The following CFAP92 variants were observed in gnomAD, a reference collection of about 807,000 sequenced individuals.
CFAP92 encodes the protein uncharacterized protein CFAP92.
A neutral mutation model predicts 106.3 loss-of-function variants in CFAP92; 86 were observed. The ratio of observed to expected loss-of-function variants is 0.81; its 90% CI spans 0.68 to 0.97. CFAP92 has a LOEUF of 0.97. CFAP92 is among the 50% of genes least tolerant of loss of function. The probability of loss-of-function intolerance (pLI) is 0.00; values close to 1 mark genes in which losing one functional copy is unlikely to be tolerated. For synonymous variants in CFAP92, 477 were observed against 506.4 expected (o/e 0.94, Z 0.78); for missense variants, 1,204 against 1,283.8 (o/e 0.94, Z 0.95).
At chr3:128,961,849 G>T (rs190067969) in intron 9 of CFAP92, among the ~76,000 whole-genome samples, 68 of 152,116 alleles carry the variant, frequency 4.5e-4, no homozygotes, top group African/African-American at 1.6e-3. Context: ...ACAATAATAG[G>T]AAAAAGTTGC....
At chr3:128,927,319 G>A (rs199647069) in intron 12 of CFAP92, among the ~76,000 whole-genome samples, 2 of 91,772 alleles carry the variant, frequency 2.2e-5, no homozygotes, top group Non-Finnish European at 3.7e-5. Flanking sequence ...CCAGGCAGAA[G>A]GAAAGGAAGG....
At chr3:128,917,135 C>A (rs575988887) in intron 12 of CFAP92, among the ~76,000 whole-genome samples, 1 of 152,294 alleles carries the variant, frequency 6.6e-6, no homozygotes, top group African/African-American at 2.4e-5. Flanking sequence ...AGTCTAGGTC[C>A]TCAGACTTTG....
chr3:129,013,739 C>T, the CFAP92 span, among the ~76,000 whole-genome samples: 102 of 152,354 alleles, frequency 6.7e-4, no homozygotes, highest in Non-Finnish European at 1.2e-3. Flanking sequence ...ATTAGCTAGA[C>T]CTGGCTAAAA....
the CFAP92 span, among the ~76,000 whole-genome samples, chr3:129,014,513 C>T: frequency 1.3e-5 from 2 of 152,206 alleles, no homozygotes; most frequent in Admixed American, 6.5e-5. This position sits in a 1 kb window ranked among gnomAD's most constrained non-coding sequence, Gnocchi z 4.3. Context: ...AGAAGGACAC[C>T]AGTCAGACTG....
intron 10 of CFAP92, 139 bp downstream of exon 10, chr3:128,944,932 G>C (rs1940055486): frequency 1.3e-6 from 1 of 752,114 alleles, no homozygotes; most frequent in Non-Finnish European, 2.1e-6. Flanking sequence ...CTAAACCCTG[G>C]TAAGTACCTC....
At chr3:129,023,845 C>T in the CFAP92 span, among the ~76,000 whole-genome samples, 18 of 152,224 alleles carry the variant, frequency 1.2e-4, no homozygotes, top group Admixed American at 1.1e-3. Flanking sequence ...CCCCATTCCA[C>T]AGGACAAAGC....
intron 6 of CFAP92, among the ~76,000 whole-genome samples, chr3:128,976,253 T>C (rs113772691): frequency 6.6e-6 from 1 of 151,906 alleles, no homozygotes; most frequent in Admixed American, 6.6e-5. Flanking sequence ...CTATAAAACA[T>C]CTAAGAATTC....
intron 8 of CFAP92, chr3:128,970,487 A>G (rs1404608690): frequency 6.6e-6 from 1 of 152,082 alleles, no homozygotes; most frequent in Non-Finnish European, 1.5e-5. Flanking sequence ...AAAAACGAAC[A>G]AAGTCTGAAT....
At chr3:129,020,379 G>A in the CFAP92 span, among the ~76,000 whole-genome samples, 15 of 152,278 alleles carry the variant, frequency 9.9e-5, no homozygotes, top group African/African-American at 3.1e-4. Flanking sequence ...GCCCACACCT[G>A]TAATCCCAGC....
rs760678257 is a variant in CFAP92 at position 128,912,615 on chromosome 3, G to A, written c.3281-2282C>T. 18 of 1,612,418 alleles carry A rather than the reference G, an allele frequency of 1.1e-5. No individual in the cohort carries two copies. The Admixed American group carries it at 2.2e-4, about 19-fold the overall frequency. On this transcript the variant is annotated intron_variant, in intron 15 of 15. Transcript: ENST00000645291. ...CTGGACAGGACATGCTGAGGCAGGG[G>A]ACAGTGTCCCCTGCTACCGCCCGCC...
At chr3:128,966,211 G>T (rs910176349) in intron 8 of CFAP92, among the ~76,000 whole-genome samples, 2 of 152,222 alleles carry the variant, frequency 1.3e-5, no homozygotes, top group East Asian at 3.8e-4. Context: ...CCCCACACAA[G>T]CCGCATTCCA....
the CFAP92 span, among the ~76,000 whole-genome samples, chr3:129,024,808 G>A: frequency 1.3e-5 from 2 of 152,166 alleles, no homozygotes; most frequent in African/African-American, 2.4e-5. Context: ...GTTGCATTGG[G>A]GATTAGGTTT....
At chr3:128,981,529 C>T (rs1488306766) in intron 4 of CFAP92, among the ~76,000 whole-genome samples, 1 of 151,984 alleles carries the variant, frequency 6.6e-6, no homozygotes, top group Admixed American at 6.6e-5. Flanking sequence ...TAGGGTTTCA[C>T]TATGTTGGCC....
At chr3:128,948,761 C>G (rs1940508891) in intron 9 of CFAP92, among the ~76,000 whole-genome samples, 1 of 151,926 alleles carries the variant, frequency 6.6e-6, no homozygotes, top group Non-Finnish European at 1.5e-5. Flanking sequence ...AACTCCTGAC[C>G]TCAAGTGATC....
chr3:128,960,568 G>A (rs1049105160), intron 9 of CFAP92, among the ~76,000 whole-genome samples: 13 of 152,184 alleles, frequency 8.5e-5, no homozygotes, highest in African/African-American at 1.7e-4. Context: ...AAACTCCGGC[G>A]CCGGTCACGG....
chr3:128,967,602 T>C (rs2107772985), intron 8 of CFAP92: 1 of 151,294 alleles, frequency 6.6e-6, no homozygotes, highest in Non-Finnish European at 1.5e-5. Flanking sequence ...TCAGGAAGGC[T>C]AATGCAGGAG....
chr3:128,986,952 G>C lies in CFAP92; in HGVS notation c.667+664C>G, dbSNP rs560867963. Among the ~76,000 whole-genome samples, 14 of 152,324 alleles carry C rather than the reference G, an allele frequency of 9.2e-5. No individual in the cohort carries two copies. In the East Asian group the frequency reaches 2.7e-3, roughly 29 times the overall value. On this transcript the variant is annotated intron_variant, in intron 4 of 15. Coordinates refer to ENST00000645291, the MANE Select transcript of CFAP92 (RefSeq NM_001394090.1). The stretch of plus-strand genomic sequence containing the variant: ...AAGGTGGGTGGATCACCTGAGGTCA[G>C]GAGTTCGAGACCAGCCTGGCCAACA...
At chr3:128,988,706 C>A (rs1944017633) in intron 3 of CFAP92, 22 bp downstream of exon 3, 1 of 1,610,286 alleles carries the variant, frequency 6.2e-7, no homozygotes, top group East Asian at 2.2e-5. Context: ...ATACACAAGG[C>A]CACACACACT....
chr3:128,994,184 G>A, upstream of CFAP92: 1 of 982,796 alleles, frequency 1.0e-6, no homozygotes, highest in South Asian at 4.7e-5. Context: ...GGGGCTCCGC[G>A]GGGCGGGGCT....
Sources: allele counts gnomAD v4.1 joint callset (sites outside exome capture counted in the v4.1 genomes callset), GRCh38; gene constraint gnomAD v4.1.1; non-coding constraint Gnocchi (gnomAD v3.1); transcripts MANE v1.5; gene names NCBI Gene and HGNC (gene_info 2026-07-23, HGNC 2026-07-21).